Variants in CABYR observed in about 807,000 individuals in gnomAD.
The protein encoded by CABYR is calcium-binding tyrosine phosphorylation-regulated protein.
A neutral mutation model predicts 36.1 loss-of-function variants in CABYR; 31 were observed. The ratio of observed to expected loss-of-function variants is 0.86; its 90% CI spans 0.64 to 1.16. The LOEUF is 1.16. Among genes scored for constraint, CABYR ranks in the 50% most tolerant of loss-of-function variants. The pLI, the probability that CABYR is intolerant of heterozygous loss-of-function variation, is 0.00. For missense variants in CABYR, 429 were observed against 455.8 expected (o/e 0.94, Z 0.53); for synonymous variants, 146 against 160.7 (o/e 0.91, Z 0.69).
chr18:24,159,826 T>C lies in CABYR; in HGVS notation c.896T>C (p.Val299Ala), dbSNP rs1400809151. 1 of 1,614,154 alleles carries C rather than the reference T, an allele frequency of 6.2e-7. No individual in the cohort carries two copies. The highest frequency in any genetic ancestry group is 1.1e-5 in the South Asian group (1 of 91,078). ...RYVAMQVPIA[V>A]PADEKYQKHT... is the part of the protein sequence containing the mutation. ...GTTGCAATGCAAGTGCCCATTGCTG[T>C]TCCTGCAGATGAGAAATACCAGAAA... The change falls in exon 5 of 6, where the codon GTT becomes GCT. Residue 299 changes from valine (V) to alanine (A), a missense_variant. Val to Ala is a moderately conservative substitution (Grantham distance 64). Transcript: ENST00000399496.
At chr18:24,147,252 C>A (rs896218602) in intron 3 of CABYR, among the ~76,000 whole-genome samples, 1,053 of 96,204 alleles carry the variant, frequency 0.011, no homozygotes, top group Non-Finnish European at 0.012. Context: ...AACCATGTCT[C>A]AAAAAAAAAA....
intron 3 of CABYR, among the ~76,000 whole-genome samples, chr18:24,154,097 C>A (rs1428385802): frequency 1.8e-5 from 1 of 55,526 alleles, no homozygotes; most frequent in African/African-American, 8.0e-5. Context: ...AGCAAGACTC[C>A]ATCTCAAAAA....
Position 24,143,257 on chromosome 18 carries a change from G to C in CABYR, c.143G>C (p.Arg48Thr). The C allele has an allele frequency of 6.2e-7, 1 of 1,609,558 alleles. No homozygotes were observed. Among genetic ancestry groups the C allele is most frequent in the Admixed American group, 1.7e-5 (1 of 58,740 alleles). The change falls in exon 2 of 6, where the codon AGA becomes ACA. Residue 48 changes from arginine (R) to threonine (T), a missense_variant and splice_region_variant. Transcript: ENST00000399496. ...AAYFQELTMY[R>T]GNTTMDIKDL... is the part of the protein sequence containing the mutation. ...TATTTTCAAGAACTTACTATGTATA[G>C]AGGTTTGTTATTCCTTTATATATTT...
intron 3 of CABYR, among the ~76,000 whole-genome samples, chr18:24,153,342 C>T (rs2085686567): frequency 2.0e-5 from 3 of 152,282 alleles, no homozygotes; most frequent in African/African-American, 7.2e-5. Context: ...TCTCCTGTCT[C>T]TGTCTTGATA....
intron 3 of CABYR, 131 bp downstream of exon 3, chr18:24,143,544 A>T: frequency 5.8e-6 from 2 of 342,168 alleles, no homozygotes; most frequent in Non-Finnish European, 1.0e-5. Flanking sequence ...TCCTTTTTAA[A>T]ATATATATAT....
intron 5 of CABYR, among the ~76,000 whole-genome samples, 195 bp from the exon 6 acceptor site, chr18:24,161,321 C>A (rs909567310): frequency 2.0e-5 from 3 of 152,182 alleles, no homozygotes; most frequent in African/African-American, 7.2e-5. Context: ...TTATGGACTT[C>A]TGGTGGAATT....
At position 24,155,088 on chromosome 18, in the gene CABYR, TTAA is replaced by T. The variant is rs141635633; in HGVS notation, c.200-610_200-608del. Among the ~76,000 whole-genome samples, 496 of 152,368 alleles carry T rather than the reference TTAA, an allele frequency of 3.3e-3. 2 individuals carry two copies. The highest frequency in any genetic ancestry group is 1.0e-2 in the African/African-American group (414 of 41,586). ...TTTCTTAAATGGAGGAATGCCTTTATTAATATGCAGCATCTATGTCATTACTAA... is the reference window on the plus strand; with the variant it reads ...TTTCTTAAATGGAGGAATGCCTTTATTATGCAGCATCTATGTCATTACTAA... On this transcript the variant is annotated intron_variant, in intron 3 of 5. Coordinates refer to ENST00000399496, the MANE Select transcript of CABYR (RefSeq NM_153769.3).
At chr18:24,149,668 A>G (rs906961465) in intron 3 of CABYR, among the ~76,000 whole-genome samples, 1 of 152,224 alleles carries the variant, frequency 6.6e-6, no homozygotes, top group African/African-American at 2.4e-5. Flanking sequence ...AGGCTCAGGC[A>G]TGGCGGGCTG....
intron 3 of CABYR, 150 bp from the exon 4 acceptor site, chr18:24,155,551 G>C: frequency 1.7e-6 from 1 of 605,544 alleles, no homozygotes; most frequent in Non-Finnish European, 2.8e-6. Flanking sequence ...TGAACTCCTG[G>C]GCTCAAGCGA....
intron 3 of CABYR, among the ~76,000 whole-genome samples, chr18:24,145,409 C>G (rs1235193795): frequency 6.6e-6 from 1 of 152,134 alleles, no homozygotes; most frequent in Non-Finnish European, 1.5e-5. Flanking sequence ...TTCACAGAGG[C>G]TTTCTTCCTG....
chr18:24,161,204 C>A (rs762147157), intron 5 of CABYR, among the ~76,000 whole-genome samples: 2 of 152,058 alleles, frequency 1.3e-5, no homozygotes, highest in Non-Finnish European at 2.9e-5. Flanking sequence ...TCTGAGAGAT[C>A]GACAAAAGCT....
chr18:24,142,494 A>G (rs2085348510), intron 1 of CABYR, among the ~76,000 whole-genome samples: 1 of 152,140 alleles, frequency 6.6e-6, no homozygotes, highest in African/African-American at 2.4e-5. Context: ...ACTGCACAAA[A>G]TATTCACTGA....
chr18:24,140,454 A>G (rs1227363750), intron 1 of CABYR, among the ~76,000 whole-genome samples: 1 of 152,016 alleles, frequency 6.6e-6, no homozygotes, highest in Non-Finnish European at 1.5e-5. Context: ...CAGTAGGTGT[A>G]TATATTTATG....
chr18:24,158,742 C>T (rs1474154405), intron 4 of CABYR, among the ~76,000 whole-genome samples: 3 of 152,242 alleles, frequency 2.0e-5, no homozygotes, highest in East Asian at 1.9e-4. Context: ...ACCTTTTGTC[C>T]GAGGGCCCAT....
chr18:24,156,331 C>T (rs1469622033), intron 4 of CABYR: 1 of 1,614,186 alleles, frequency 6.2e-7, no homozygotes, highest in Non-Finnish European at 8.5e-7. Context: ...GATCAAGCTC[C>T]TGAGGTCACT....
At chr18:24,156,234 T>G in intron 4 of CABYR, 192 bp downstream of exon 4, 2 of 1,614,094 alleles carry the variant, frequency 1.2e-6, no homozygotes, top group Non-Finnish European at 8.5e-7. Context: ...CCATGTAGAT[T>G]TGGGTTCTCA....
chr18:24,151,092 A>G (rs541484946), intron 3 of CABYR, among the ~76,000 whole-genome samples: 1 of 152,084 alleles, frequency 6.6e-6, no homozygotes, highest in African/African-American at 2.4e-5. Flanking sequence ...TTCCCATTCC[A>G]TGCCAGAATA....
At chr18:24,147,793 CCT>C (rs1461593428) in intron 3 of CABYR, among the ~76,000 whole-genome samples, 10 of 152,116 alleles carry the variant, frequency 6.6e-5, no homozygotes, top group East Asian at 1.9e-4. Flanking sequence ...ACACAATCCC[CCT>C]CTGTCATGTT....
intron 1 of CABYR, among the ~76,000 whole-genome samples, chr18:24,142,647 T>G (rs549929478): frequency 4.6e-5 from 7 of 151,450 alleles, no homozygotes; most frequent in African/African-American, 1.7e-4. Context: ...GTTGTGTGTT[T>G]TTTTTTTTTA....
Sources: gnomAD v4.1 joint callset for allele counts (sites outside exome capture counted in the v4.1 genomes callset) on GRCh38, gnomAD v4.1.1 for gene constraint, MANE v1.5 for transcripts, NCBI Gene and HGNC (gene_info 2026-07-23, HGNC 2026-07-21) for gene names.